RBBP8: variants seen among roughly 807,000 people sequenced by gnomAD.
RBBP8 encodes DNA endonuclease RBBP8.
Under a neutral mutation model 108.3 loss-of-function variants are expected in RBBP8, and 88 were observed. The observed-to-expected ratio is 0.81, with a 90% CI of 0.68 to 0.97. RBBP8 has a LOEUF of 0.97. Among genes scored for constraint, RBBP8 ranks in the 50% least tolerant of loss-of-function variants. RBBP8 has a pLI of 0.00. For synonymous variants in RBBP8, 332 were observed against 348.2 expected (o/e 0.95, Z 0.52); for missense variants, 1,023 against 1,049.0 (o/e 0.98, Z 0.34).
chr18:22,988,691 C>A (rs1054734486), intron 8 of RBBP8, among the ~76,000 whole-genome samples: 15 of 152,130 alleles, frequency 9.9e-5, no homozygotes, highest in Non-Finnish European at 1.5e-4. Context: ...AGAACTTTTT[C>A]TTTTCATCTA....
intron 3 of RBBP8, among the ~76,000 whole-genome samples, chr18:22,926,493 A>G (rs1465645081): frequency 6.6e-6 from 1 of 152,220 alleles, no homozygotes; most frequent in Non-Finnish European, 1.5e-5. Context: ...TCATCACCCC[A>G]TTATAATTTA....
intron 6 of RBBP8, among the ~76,000 whole-genome samples, chr18:22,978,865 G>A (rs768955912): frequency 6.6e-6 from 1 of 152,226 alleles, no homozygotes; most frequent in Non-Finnish European, 1.5e-5. Flanking sequence ...AGATAAGTGT[G>A]TGAAGTGATA....
rs1355568837 is a variant in RBBP8, at chr18:22,991,051, T to G, written c.920+2T>G. Reference sequence around the variant, plus strand: ...AAGAAATACTGAAGATAGTTTAAGGTAATTAAGGGCACGTTGGTGAAAACT... The same window carrying G: ...AAGAAATACTGAAGATAGTTTAAGGGAATTAAGGGCACGTTGGTGAAAACT... On this transcript the variant is annotated splice_donor_variant, in intron 10 of 18. Transcript: ENST00000327155. LOFTEE classifies it high-confidence loss of function. 1.3e-6 allele frequency: 2 copies of G among 1,595,154 alleles called. No individual in the cohort carries two copies. The highest frequency in any genetic ancestry group is 2.7e-5 in the African/African-American group (2 of 74,548).
chr18:23,001,214 G>A (rs989410190), intron 14 of RBBP8, among the ~76,000 whole-genome samples: 37 of 152,102 alleles, frequency 2.4e-4, no homozygotes, highest in African/African-American at 8.2e-4. Flanking sequence ...TTTTACATAC[G>A]TGTCTACAAG....
chr18:22,950,548 G>C (rs1252839178), intron 4 of RBBP8, among the ~76,000 whole-genome samples: 1 of 149,538 alleles, frequency 6.7e-6, no homozygotes, highest in Middle Eastern at 3.4e-3. Flanking sequence ...TCCAGCCTGG[G>C]TGACAGAGCA....
At chr18:22,932,714 C>T (rs1181969419), upstream of RBBP8, among the ~76,000 whole-genome samples, 3 of 152,108 alleles carry the variant, frequency 2.0e-5, no homozygotes, top group African/African-American at 7.2e-5. Context: ...AATAGGAATA[C>T]CTACTATCGG....
intron 16 of RBBP8, among the ~76,000 whole-genome samples, chr18:23,009,963 T>C (rs543232860): frequency 6.6e-6 from 1 of 152,350 alleles, no homozygotes; most frequent in Admixed American, 6.5e-5. Flanking sequence ...GGTTTCACCA[T>C]GTTGGCCAGG....
At chr18:23,003,950 G>A (rs1356820986) in intron 15 of RBBP8, among the ~76,000 whole-genome samples, 6 of 150,752 alleles carry the variant, frequency 4.0e-5, no homozygotes, top group Non-Finnish European at 5.9e-5. Flanking sequence ...CCAGCTACTC[G>A]GGAGGCTCAG....
chr18:23,010,840 C>A (rs1286151043), intron 16 of RBBP8, among the ~76,000 whole-genome samples: 1 of 152,038 alleles, frequency 6.6e-6, no homozygotes, highest in Non-Finnish European at 1.5e-5. Flanking sequence ...GTATCAGGGA[C>A]AAGAAGCTTG....
chr18:23,011,101 T>A (rs1225651748), intron 16 of RBBP8, among the ~76,000 whole-genome samples: 1 of 152,290 alleles, frequency 6.6e-6, no homozygotes, highest in East Asian at 1.9e-4. Flanking sequence ...GGTTCTTGAG[T>A]TGAAACAAAA....
intron 16 of RBBP8, among the ~76,000 whole-genome samples, chr18:23,010,023 G>C (rs2046128825): frequency 6.6e-6 from 1 of 152,194 alleles, no homozygotes; most frequent in Non-Finnish European, 1.5e-5. Flanking sequence ...GCCTCCCAAA[G>C]TGCTGGGATT....
chr18:22,946,573 T>G, intron 3 of RBBP8, 87 bp downstream of exon 3: 1 of 1,557,864 alleles, frequency 6.4e-7, no homozygotes, highest in South Asian at 1.2e-5. Flanking sequence ...TAGTTGATAC[T>G]GATGTCCAAT....
intron 18 of RBBP8, among the ~76,000 whole-genome samples, chr18:23,025,220 A>G (rs1054925475): frequency 6.6e-6 from 1 of 152,182 alleles, no homozygotes; most frequent in Admixed American, 6.6e-5. Flanking sequence ...GCACCACTGC[A>G]CTCCAGCCTG....
rs760818790 is a variant in RBBP8, at chr18:22,985,008, ATTACT to A, written c.709+23_709+27del. ...AATGGCCAGTAAGCAAGATACTGAG[ATTACT>A]TTACAAGTTTAAAATTGTGGTTATT... On this transcript the variant is annotated intron_variant, in intron 8 of 18. Coordinates refer to ENST00000327155, the MANE Select transcript of RBBP8 (RefSeq NM_002894.3). The A allele has an allele frequency of 2.7e-5, 44 of 1,609,456 alleles. No homozygotes were observed. In the Middle Eastern group the frequency reaches 6.6e-4, roughly 24 times the overall value.
intron 7 of RBBP8, 27 bp downstream of exon 7, chr18:22,982,420 C>T: frequency 2.5e-6 from 4 of 1,612,616 alleles, no homozygotes; most frequent in Non-Finnish European, 3.4e-6. Flanking sequence ...TATTTTAGTT[C>T]TCTGGTTTTG....
chr18:22,924,917 G>A (rs1373850998), intron 3 of RBBP8, among the ~76,000 whole-genome samples: 3 of 149,102 alleles, frequency 2.0e-5, no homozygotes, highest in African/African-American at 7.4e-5. Flanking sequence ...TTTTTTTTGA[G>A]CCAGGGTCTC....
chr18:22,929,598 A>G (rs1909946986), upstream of RBBP8, among the ~76,000 whole-genome samples: 1 of 150,946 alleles, frequency 6.6e-6, no homozygotes, highest in African/African-American at 2.4e-5. Flanking sequence ...TTCAGCCTAT[A>G]CTGCAGTTTC....
At chr18:22,935,457 C>T (rs1374570549) in intron 1 of RBBP8, among the ~76,000 whole-genome samples, 1 of 150,602 alleles carries the variant, frequency 6.6e-6, no homozygotes, top group Non-Finnish European at 1.5e-5. Context: ...ATCTAAAATC[C>T]AGCTCATATT....
chr18:23,001,444 T>G, intron 14 of RBBP8, 142 bp from the exon 15 acceptor site: 1 of 915,394 alleles, frequency 1.1e-6, no homozygotes, highest in East Asian at 2.5e-5. Flanking sequence ...CAATATATAA[T>G]CCATATTTTA....
Sources: gnomAD v4.1 joint callset for allele counts (sites outside exome capture counted in the v4.1 genomes callset) on GRCh38, gnomAD v4.1.1 for gene constraint, MANE v1.5 for transcripts, NCBI Gene and HGNC (gene_info 2026-07-23, HGNC 2026-07-21) for gene names.